The following LRP1B variants were observed in gnomAD, a reference collection of about 807,000 sequenced individuals.
LRP1B encodes LDL receptor related protein 1B.
In LRP1B, 217 loss-of-function variants were observed where a neutral mutation model predicts 556.6. That is an observed-to-expected ratio of 0.39 (90% CI 0.35 to 0.44). LRP1B has a LOEUF of 0.44. Ranked by LOEUF, LRP1B falls within the 20% of genes least tolerant of loss-of-function variation. The probability of loss-of-function intolerance (pLI) is 1.00; values close to 1 mark genes in which losing one functional copy is unlikely to be tolerated. For synonymous variants in LRP1B, 2,047 were observed against 1,865.8 expected, an observed-to-expected ratio of 1.10 and a Z score of -2.50; for missense variants, 5,053 against 5,620.8, an observed-to-expected ratio of 0.90 and a Z score of 3.23.
At chr2:141,326,793 G>A (rs900803350) in intron 3 of LRP1B, among the ~76,000 whole-genome samples, 14 of 152,148 alleles carry the variant, frequency 9.2e-5, no homozygotes, top group African/African-American at 3.4e-4. Flanking sequence ...AGACCTGTTT[G>A]TGCAAACCCA....
chr2:140,834,561 C>T (rs113632130), intron 31 of LRP1B, among the ~76,000 whole-genome samples: 1 of 152,124 alleles, frequency 6.6e-6, no homozygotes, highest in Non-Finnish European at 1.5e-5. Flanking sequence ...ACAATTTCGG[C>T]TTTGCTCTTT....
intron 30 of LRP1B, 66 bp downstream of exon 30, chr2:140,840,852 T>C (rs1692079907): frequency 7.9e-6 from 10 of 1,266,298 alleles, no homozygotes; most frequent in African/African-American, 7.6e-5. Context: ...GCAATGTTTT[T>C]ATATAAAATC....
intron 1 of LRP1B, among the ~76,000 whole-genome samples, chr2:141,956,244 T>C (rs1186795836): frequency 1.3e-5 from 2 of 152,120 alleles, no homozygotes; most frequent in Non-Finnish European, 2.9e-5. Flanking sequence ...GACAGCTTTA[T>C]ATTCTCTCTA....
In LRP1B at chr2:140,868,183, A is replaced by G; in HGVS notation, c.4250T>C (p.Ile1417Thr). 2 of 1,610,016 alleles carry G rather than the reference A, an allele frequency of 1.2e-6. No individual in the cohort carries two copies. The highest frequency in any genetic ancestry group is 2.2e-5 in the East Asian group (1 of 44,634). ...ASMSGAGRKT[I>T]YKDMKTGAWP... Reference sequence around the variant, plus strand: ...AGCCCCAGTTTTCATGTCTTTATAGATGGTTTTTCTCCCAGCACCACTCAT... The same window carrying G: ...AGCCCCAGTTTTCATGTCTTTATAGGTGGTTTTTCTCCCAGCACCACTCAT... The change falls in exon 26 of 91, where the codon ATC (isoleucine) becomes ACC (threonine). Residue 1417 changes from isoleucine to threonine, a missense_variant. This residue lies in a region of LRP1B where 3,619 missense variants were observed against 3,931.9 expected (regional missense o/e 0.92). Coordinates refer to ENST00000389484, the MANE Select transcript of LRP1B (RefSeq NM_018557.3).
intron 2 of LRP1B, among the ~76,000 whole-genome samples, chr2:141,545,857 C>T (rs1574066729): frequency 1.3e-5 from 2 of 152,088 alleles, no homozygotes. Flanking sequence ...AAACAGATTT[C>T]CCCCACATAT....
intron 3 of LRP1B, among the ~76,000 whole-genome samples, chr2:141,308,049 CAGA>C (rs991142857): frequency 6.6e-6 from 1 of 152,148 alleles, no homozygotes; most frequent in African/African-American, 2.4e-5. Context: ...TTATGGTCTT[CAGA>C]AGAAGTGCTT....
intron 7 of LRP1B, among the ~76,000 whole-genome samples, chr2:141,143,409 T>A (rs1471960518): frequency 1.3e-5 from 2 of 152,312 alleles, no homozygotes; most frequent in East Asian, 3.9e-4. Flanking sequence ...CCCAGTTTGA[T>A]TTCTCTTTGC....
At position 141,555,935 on chromosome 2, in the gene LRP1B, G is replaced by GGTTTT. The variant is rs750771108; in HGVS notation, c.206-75407_206-75403dup. 7.6e-4 allele frequency among the ~76,000 whole-genome samples: 115 copies of GGTTTT among 151,660 alleles called. 1 individual carries two copies. Among genetic ancestry groups the GGTTTT allele is most frequent in the South Asian group, 6.2e-4 (3 of 4,804 alleles). On this transcript the variant is annotated intron_variant, in intron 2 of 90. Coordinates refer to ENST00000389484, the MANE Select transcript of LRP1B (RefSeq NM_018557.3). ...AGTTTTAAATCTTTTATTTCTGCAGGGTTTTGTTTTGTTTTGTTTTGTTTT... is the reference window on the plus strand; with the variant it reads ...AGTTTTAAATCTTTTATTTCTGCAGGGTTTTGTTTTGTTTTGTTTTGTTTTGTTTT...
intron 2 of LRP1B, among the ~76,000 whole-genome samples, chr2:141,616,679 T>A (rs1688312307): frequency 6.6e-6 from 1 of 152,238 alleles, no homozygotes; most frequent in African/African-American, 2.4e-5. Flanking sequence ...TTTAAAAAAT[T>A]GTTTTGGAAA....
chr2:140,461,906 A>G (rs1687340747), intron 60 of LRP1B, among the ~76,000 whole-genome samples: 2 of 152,222 alleles, frequency 1.3e-5, no homozygotes, highest in South Asian at 4.1e-4. Context: ...AGGATATAGA[A>G]TGCAATCACC....
At chr2:140,600,097 C>A (rs778051478) in intron 42 of LRP1B, among the ~76,000 whole-genome samples, 4 of 151,848 alleles carry the variant, frequency 2.6e-5, no homozygotes, top group Non-Finnish European at 4.4e-5. Flanking sequence ...TAAATGTTAG[C>A]CTATGTAATA....
intron 32 of LRP1B, among the ~76,000 whole-genome samples, chr2:140,796,598 T>C (rs1202408618): frequency 6.6e-6 from 1 of 152,092 alleles, no homozygotes; most frequent in Non-Finnish European, 1.5e-5. Flanking sequence ...TTGCTGTTAC[T>C]TTAATGAATA....
intron 3 of LRP1B, among the ~76,000 whole-genome samples, chr2:141,314,992 A>G (rs1686967057): frequency 6.7e-6 from 1 of 149,310 alleles, no homozygotes; most frequent in Non-Finnish European, 1.5e-5. Context: ...ATTAAACATT[A>G]CATATTCTCG....
At chr2:141,657,971 A>T (rs1031382877) in intron 2 of LRP1B, among the ~76,000 whole-genome samples, 1 of 152,184 alleles carries the variant, frequency 6.6e-6, no homozygotes, top group Non-Finnish European at 1.5e-5. Context: ...ATCATCCACA[A>T]ACCCACCTAG....
chr2:141,860,915 G>A (rs1480756565), intron 1 of LRP1B, among the ~76,000 whole-genome samples: 1 of 152,094 alleles, frequency 6.6e-6, no homozygotes, highest in Non-Finnish European at 1.5e-5. Flanking sequence ...GGTCTCTATA[G>A]TGTGTATTTC....
intron 67 of LRP1B, among the ~76,000 whole-genome samples, chr2:140,379,014 T>C (rs1012344270): frequency 6.6e-6 from 1 of 152,210 alleles, no homozygotes; most frequent in Admixed American, 6.5e-5. Flanking sequence ...TTAATTCCTA[T>C]TGGAATATGT....
intron 3 of LRP1B, among the ~76,000 whole-genome samples, chr2:141,333,917 G>A (rs1687750511): frequency 6.6e-6 from 1 of 151,962 alleles, no homozygotes; most frequent in Admixed American, 6.6e-5. Context: ...TGTATGCAGG[G>A]GATTAAAATG....
At chr2:141,721,196 C>T (rs1384042924) in intron 2 of LRP1B, among the ~76,000 whole-genome samples, 1 of 152,100 alleles carries the variant, frequency 6.6e-6, no homozygotes, top group African/African-American at 2.4e-5. Flanking sequence ...TTGATGTTTT[C>T]TATATCATGT....
intron 3 of LRP1B, among the ~76,000 whole-genome samples, chr2:141,378,889 G>A (rs770868738): frequency 4.6e-5 from 7 of 152,198 alleles, no homozygotes; most frequent in Admixed American, 6.5e-5. Context: ...AGATGCCACC[G>A]AGCAGACAAC....
Sources: allele counts gnomAD v4.1 joint callset (sites outside exome capture counted in the v4.1 genomes callset), GRCh38; gene constraint gnomAD v4.1.1; regional missense constraint gnomAD v4.1.1; transcripts MANE v1.5; gene names NCBI Gene and HGNC (gene_info 2026-07-23, HGNC 2026-07-21).